The following POU2F1 variants were observed in gnomAD, a reference collection of about 807,000 sequenced individuals.
POU2F1 encodes POU domain, class 2, transcription factor 1.
Under a neutral mutation model 84.9 loss-of-function variants are expected in POU2F1, and 16 were observed. That is an observed-to-expected ratio of 0.19 (90% confidence interval 0.13 to 0.29). The LOEUF (loss-of-function observed/expected upper bound fraction) is 0.29. Among genes scored for constraint, POU2F1 ranks in the 10% least tolerant of loss-of-function variants. The probability of loss-of-function intolerance (pLI) is 1.00; values close to 1 mark genes in which losing one functional copy is unlikely to be tolerated. For synonymous variants in POU2F1, 368 were observed against 368.3 expected, an observed-to-expected ratio of 1.00 and a Z score of 0.01; for missense variants, 738 against 942.6, an observed-to-expected ratio of 0.78 and a Z score of 2.84.
chr1:167,364,201 C>A (rs1659519112), intron 2 of POU2F1, among the ~76,000 whole-genome samples: 1 of 152,142 alleles, frequency 6.6e-6, no homozygotes, highest in Admixed American at 6.5e-5. Flanking sequence ...GCATGTCTTT[C>A]CATAAATTAG....
At chr1:167,332,626 A>G (rs1657150374) in intron 2 of POU2F1, 91 bp downstream of exon 2, 4 of 999,766 alleles carry the variant, frequency 4.0e-6, no homozygotes, top group Non-Finnish European at 6.1e-6. Context: ...TTTGGCAAAT[A>G]CAGACCAATT....
intron 1 of POU2F1, among the ~76,000 whole-genome samples, chr1:167,233,802 C>A (rs899490236): frequency 1.3e-5 from 2 of 152,170 alleles, no homozygotes; most frequent in Admixed American, 1.3e-4. Context: ...GATCTTTGTA[C>A]TTTTTAGTGA....
intron 1 of POU2F1, among the ~76,000 whole-genome samples, chr1:167,221,612 G>C (rs1648195035): frequency 1.3e-5 from 2 of 150,620 alleles, no homozygotes; most frequent in Admixed American, 1.3e-4. Context: ...GGGGGTGCGC[G>C]CGGGGAGAGC....
chr1:167,269,650 C>T (rs868016924), intron 1 of POU2F1, among the ~76,000 whole-genome samples: 2 of 152,188 alleles, frequency 1.3e-5, no homozygotes, highest in African/African-American at 2.4e-5. Flanking sequence ...CGGTGACTCA[C>T]GCCTATAATC....
At chr1:167,223,729 G>GA (rs112059329) in intron 1 of POU2F1, among the ~76,000 whole-genome samples, 101 of 146,984 alleles carry the variant, frequency 6.9e-4, no homozygotes, top group African/African-American at 1.2e-3. Flanking sequence ...AATGCAGCAG[G>GA]AAAAAAAAAA....
intron 9 of POU2F1, among the ~76,000 whole-genome samples, chr1:167,392,819 A>C (rs540702115): frequency 6.6e-6 from 1 of 152,236 alleles, no homozygotes; most frequent in Non-Finnish European, 1.5e-5. Flanking sequence ...AAATCAGTCT[A>C]TCAACCTCTG....
chr1:167,250,584 T>C (rs527769070), intron 1 of POU2F1, among the ~76,000 whole-genome samples: 3 of 152,342 alleles, frequency 2.0e-5, no homozygotes, highest in East Asian at 3.9e-4. Context: ...TACTTTGATA[T>C]GTACAAATAA....
intron 1 of POU2F1, among the ~76,000 whole-genome samples, chr1:167,300,056 A>G (rs1276896266): frequency 1.3e-5 from 2 of 152,258 alleles, no homozygotes; most frequent in Non-Finnish European, 1.5e-5. Context: ...AGTGTGGTAC[A>G]CAGATACCAC....
At chr1:167,337,939 A>G (rs1657582079) in intron 2 of POU2F1, 1 of 368,638 alleles carries the variant, frequency 2.7e-6, no homozygotes, top group African/African-American at 2.1e-5. Flanking sequence ...TCTATATCCT[A>G]TTAAAGACTG....
intron 9 of POU2F1, among the ~76,000 whole-genome samples, chr1:167,391,960 C>T (rs575482302): frequency 6.6e-6 from 1 of 152,076 alleles, no homozygotes; most frequent in South Asian, 2.1e-4. Context: ...AGAGGAAATA[C>T]AGTTACATTT....
In POU2F1 at chr1:167,376,024, T is replaced by C. The variant is rs201308672; in HGVS notation, c.592-5T>C. 5.6e-6 allele frequency: 9 copies of C among 1,613,890 alleles called. No individual in the cohort carries two copies. The highest frequency in any genetic ancestry group is 1.6e-4 in the Middle Eastern group (1 of 6,080). On this transcript the variant is annotated splice_region_variant and splice_polypyrimidine_tract_variant and intron_variant, in intron 6 of 15. Transcript: ENST00000367866. ...CCAATCCATGTTTTAATTCCAATTT[T>C]TCAGGATCTTCAACAACTGCAACAG... is the stretch of plus-strand genomic sequence containing the variant.
At chr1:167,233,803 T>C (rs1430285012) in intron 1 of POU2F1, among the ~76,000 whole-genome samples, 1 of 152,240 alleles carries the variant, frequency 6.6e-6, no homozygotes, top group Non-Finnish European at 1.5e-5. Flanking sequence ...ATCTTTGTAC[T>C]TTTTAGTGAC....
In POU2F1 at chr1:167,376,089, G is replaced by T. The variant is rs1466611798; in HGVS notation, c.652G>T (p.Val218Leu). 1.9e-6 allele frequency: 3 copies of T among 1,614,036 alleles called. No homozygotes were observed. The highest frequency in any genetic ancestry group is 1.7e-6 in the Non-Finnish European group (2 of 1,180,034). Reference sequence around the variant, plus strand: ...TCTCAACCTGCAACAGTTTGTGTTGGTGCATCCAACCACCAATTTGCAGCC... The same window carrying T: ...TCTCAACCTGCAACAGTTTGTGTTGTTGCATCCAACCACCAATTTGCAGCC... ...QNLNLQQFVL[V>L]HPTTNLQPAQ... is the part of the protein sequence containing the mutation. Residue 218 changes from valine to leucine, a missense_variant, in exon 7 of 16, where the codon GTG (valine) becomes TTG (leucine). Coordinates refer to ENST00000367866, the MANE Select transcript of POU2F1 (RefSeq NM_002697.4).
intron 1 of POU2F1, among the ~76,000 whole-genome samples, chr1:167,226,043 T>C (rs2102326479): frequency 6.6e-6 from 1 of 152,382 alleles, no homozygotes; most frequent in East Asian, 1.9e-4. Flanking sequence ...AATTTAGAAC[T>C]ATTCAGGTAA....
intron 1 of POU2F1, among the ~76,000 whole-genome samples, chr1:167,290,109 G>A (rs532046477): frequency 6.6e-6 from 1 of 152,244 alleles, no homozygotes; most frequent in Admixed American, 6.5e-5. Context: ...ATTGCATGAA[G>A]GCTGGGTGCG....
At position 167,370,174 on chromosome 1, in the gene POU2F1, G is replaced by C; in HGVS notation, c.242G>C (p.Gly81Ala). ...GATTACTTATAGGTCCAACTCGCTG[G>C]AACAAGTTTACAGGCTGCTGCTCAG... is the stretch of plus-strand genomic sequence containing the variant. ...LGHLHQVQLA[G>A]TSLQAAAQSL... is the part of the protein sequence containing the mutation. The change falls in exon 4 of 16, where the codon GGA becomes GCA. Residue 81 changes from glycine to alanine, a missense_variant. Physicochemically the swap from Gly to Ala is moderately conservative, Grantham distance 60. Transcript: ENST00000367866. The C allele has an allele frequency of 3.7e-6, 6 of 1,607,178 alleles. No individual in the cohort carries two copies. Among genetic ancestry groups the C allele is most frequent in the Non-Finnish European group, 5.1e-6 (6 of 1,175,194 alleles).
intron 2 of POU2F1, among the ~76,000 whole-genome samples, chr1:167,348,022 G>T (rs375482901): frequency 6.6e-6 from 1 of 152,122 alleles, no homozygotes; most frequent in African/African-American, 2.4e-5. Context: ...ATTTGTTTGA[G>T]TACTTGTTTT....
chr1:167,255,645 G>A (rs998128428), intron 1 of POU2F1, among the ~76,000 whole-genome samples: 1 of 152,128 alleles, frequency 6.6e-6, no homozygotes, highest in African/African-American at 2.4e-5. Flanking sequence ...ATAGCCACAA[G>A]AATCCATACA....
At chr1:167,310,941 A>T (rs948236542) in intron 1 of POU2F1, among the ~76,000 whole-genome samples, 1 of 152,314 alleles carries the variant, frequency 6.6e-6, no homozygotes, top group Non-Finnish European at 1.5e-5. Context: ...AAATTACCCA[A>T]TCTGAACAAG....
Sources: allele counts gnomAD v4.1 joint callset (sites outside exome capture counted in the v4.1 genomes callset), GRCh38; gene constraint gnomAD v4.1.1; transcripts MANE v1.5; gene names NCBI Gene and HGNC (gene_info 2026-07-23, HGNC 2026-07-21).